NTNG1: variants seen among roughly 807,000 people sequenced by gnomAD.
NTNG1 encodes the protein netrin G1.
A neutral mutation model predicts 54.0 loss-of-function variants in NTNG1; 16 were observed. The observed-to-expected ratio is 0.30, with a 90% confidence interval of 0.20 to 0.45. NTNG1 has a LOEUF of 0.45. Ranked by LOEUF, NTNG1 falls within the 20% of genes least tolerant of loss-of-function variation. The probability of loss-of-function intolerance (pLI) is 1.00; values close to 1 mark genes in which losing one functional copy is unlikely to be tolerated. For missense variants in NTNG1, 530 were observed against 678.7 expected, an observed-to-expected ratio of 0.78 and a Z score of 2.43; for synonymous variants, 255 against 263.1, an observed-to-expected ratio of 0.97 and a Z score of 0.30.
chr1:107,192,328 C>T (rs892225599), intron 2 of NTNG1, among the ~76,000 whole-genome samples: 5 of 152,054 alleles, frequency 3.3e-5, no homozygotes, highest in African/African-American at 9.7e-5. Flanking sequence ...CTTCTTTTTA[C>T]ACAACCATCC....
chr1:107,269,639 T>C (rs934217380), intron 2 of NTNG1, among the ~76,000 whole-genome samples: 2 of 152,224 alleles, frequency 1.3e-5, no homozygotes, highest in Admixed American at 6.5e-5. Context: ...AATAAATGAA[T>C]GAATGTTCCT....
chr1:107,210,457 G>A (rs974296009), intron 2 of NTNG1, among the ~76,000 whole-genome samples: 2 of 152,188 alleles, frequency 1.3e-5, no homozygotes, highest in African/African-American at 2.4e-5. Context: ...ACTCGAGGAT[G>A]AAGGAGCCGT....
At chr1:107,424,786 G>A (rs1352761485) in intron 5 of NTNG1, among the ~76,000 whole-genome samples, 4 of 152,090 alleles carry the variant, frequency 2.6e-5, no homozygotes, top group African/African-American at 9.7e-5. Flanking sequence ...GCACACAATG[G>A]ATGACTCTGA....
At chr1:107,192,969 C>T (rs1245961981) in intron 2 of NTNG1, among the ~76,000 whole-genome samples, 3 of 151,866 alleles carry the variant, frequency 2.0e-5, no homozygotes, top group Non-Finnish European at 2.9e-5. Flanking sequence ...GTATCATAAA[C>T]AAAGTAAATA....
intron 7 of NTNG1, among the ~76,000 whole-genome samples, chr1:107,468,368 A>C (rs1677739641): frequency 6.6e-6 from 1 of 152,158 alleles, no homozygotes; most frequent in Non-Finnish European, 1.5e-5. Context: ...AAAAACGCGT[A>C]TTTGAATTGA....
In NTNG1 at chr1:107,415,664, G is replaced by GA. The variant is rs200619151; in HGVS notation, c.1087+7965dup. 7.0e-3 allele frequency among the ~76,000 whole-genome samples: 1,059 copies of GA among 150,704 alleles called. 10 individuals carry two copies. Among genetic ancestry groups the GA allele is most frequent in the African/African-American group, 0.024 (982 of 40,942 alleles). On this transcript the variant is annotated intron_variant, in intron 5 of 7. Transcript: ENST00000370068. The stretch of plus-strand genomic sequence containing the variant: ...CAAAGATTTTCCCTAGTTGATTTGT[G>GA]AAAAAAAAATGAAATTAATACATTC...
intron 2 of NTNG1, among the ~76,000 whole-genome samples, chr1:107,284,976 T>C (rs1665097180): frequency 6.6e-6 from 1 of 152,126 alleles, no homozygotes; most frequent in Non-Finnish European, 1.5e-5. Context: ...CATGGATACA[T>C]CTCAGTGAAT....
At chr1:107,283,172 AC>A (rs1287670462) in intron 2 of NTNG1, among the ~76,000 whole-genome samples, 1 of 152,150 alleles carries the variant, frequency 6.6e-6, no homozygotes, top group Non-Finnish European at 1.5e-5. Flanking sequence ...TGAGAGTAGC[AC>A]CCAGTCTTTC....
intron 2 of NTNG1, among the ~76,000 whole-genome samples, chr1:107,217,109 A>G (rs1017806927): frequency 5.4e-5 from 8 of 148,518 alleles, no homozygotes; most frequent in South Asian, 2.1e-4. Flanking sequence ...TTTAATTACT[A>G]TTTTAATCTG....
intron 2 of NTNG1, among the ~76,000 whole-genome samples, chr1:107,321,058 T>G (rs887580529): frequency 6.6e-6 from 1 of 152,138 alleles, no homozygotes; most frequent in African/African-American, 2.4e-5. Context: ...AAATGTCATG[T>G]TATCAGGGAG....
intron 1 of NTNG1, among the ~76,000 whole-genome samples, chr1:107,145,524 G>A (rs572737915): frequency 7.8e-4 from 118 of 152,086 alleles, no homozygotes; most frequent in African/African-American, 2.6e-3. Context: ...GTAATACGCC[G>A]TGGTCAATAT....
At chr1:107,295,296 T>C (rs1432529957) in intron 2 of NTNG1, among the ~76,000 whole-genome samples, 1 of 152,226 alleles carries the variant, frequency 6.6e-6, no homozygotes, top group Non-Finnish European at 1.5e-5. Context: ...ACCTTTTTGC[T>C]CATTCATTGT....
chr1:107,179,465 T>C (rs1012489961), intron 2 of NTNG1, among the ~76,000 whole-genome samples: 2 of 152,168 alleles, frequency 1.3e-5, no homozygotes, highest in African/African-American at 4.8e-5. Context: ...TTTCCAGGCA[T>C]TTATTTCAAT....
intron 2 of NTNG1, among the ~76,000 whole-genome samples, chr1:107,160,753 C>T (rs943455430): frequency 6.6e-6 from 1 of 152,128 alleles, no homozygotes; most frequent in Non-Finnish European, 1.5e-5. Context: ...TCTCTAGCTG[C>T]ACCCTTTTGC....
chr1:107,378,634 C>T (rs1050218232), intron 3 of NTNG1, among the ~76,000 whole-genome samples: 1 of 152,134 alleles, frequency 6.6e-6, no homozygotes, highest in African/African-American at 2.4e-5. Context: ...ATGTCAGGCT[C>T]AGGAGAAGAA....
chr1:107,322,917 A>T (rs777041880), intron 2 of NTNG1, among the ~76,000 whole-genome samples: 1 of 152,028 alleles, frequency 6.6e-6, no homozygotes, highest in Non-Finnish European at 1.5e-5. Flanking sequence ...GGAAAGAGAG[A>T]GTGAGAGTAT....
chr1:107,197,011 T>A (rs1479186901), intron 2 of NTNG1, among the ~76,000 whole-genome samples: 1 of 151,966 alleles, frequency 6.6e-6, no homozygotes, highest in Non-Finnish European at 1.5e-5. Context: ...GACAACCAGT[T>A]AAGTTTGAAT....
At chr1:107,324,224 G>T in intron 2 of NTNG1, 58 bp from the exon 3 acceptor site, 1 of 1,531,280 alleles carries the variant, frequency 6.5e-7, no homozygotes, top group South Asian at 1.2e-5. Context: ...ACAGCAATAT[G>T]GCAAGACTTG....
intron 3 of NTNG1, among the ~76,000 whole-genome samples, chr1:107,384,353 A>G (rs181752808): frequency 3.9e-5 from 6 of 152,308 alleles, no homozygotes; most frequent in African/African-American, 1.4e-4. Flanking sequence ...TTAAATGCCA[A>G]GATGTCTAAC....
Sources: allele counts gnomAD v4.1 joint callset (sites outside exome capture counted in the v4.1 genomes callset), GRCh38; gene constraint gnomAD v4.1.1; transcripts MANE v1.5; gene names NCBI Gene and HGNC (gene_info 2026-07-23, HGNC 2026-07-21).